ADAMTS17: variants seen among roughly 807,000 people sequenced by gnomAD.
ADAMTS17 encodes ADAM metallopeptidase with thrombospondin type 1 motif 17.
A neutral mutation model predicts 141.5 loss-of-function variants in ADAMTS17; 113 were observed. The ratio of observed to expected loss-of-function variants is 0.80; its 90% CI spans 0.69 to 0.93. The LOEUF is 0.93. Ranked by LOEUF, ADAMTS17 falls within the 40% of genes least tolerant of loss-of-function variation. The pLI is 0.00. For missense variants in ADAMTS17, 1,659 were observed against 1,517.9 expected, an observed-to-expected ratio of 1.09 and a Z score of -1.54; for synonymous variants, 768 against 630.6, an observed-to-expected ratio of 1.22 and a Z score of -3.27.
intron 12 of ADAMTS17, among the ~76,000 whole-genome samples, chr15:100,125,368 T>C (rs942769865): frequency 6.6e-6 from 1 of 152,214 alleles, no homozygotes; most frequent in Non-Finnish European, 1.5e-5. Flanking sequence ...AGCACATAGA[T>C]GGGGTTTCAC....
chr15:100,238,306 C>T (rs1047424588), intron 7 of ADAMTS17, among the ~76,000 whole-genome samples: 13 of 152,190 alleles, frequency 8.5e-5, no homozygotes, highest in African/African-American at 2.9e-4. Context: ...CCTTTATCGC[C>T]AGCCTCCATC....
chr15:99,991,360 G>C (rs979434243), intron 20 of ADAMTS17, among the ~76,000 whole-genome samples: 8 of 152,180 alleles, frequency 5.3e-5, no homozygotes, highest in Admixed American at 2.0e-4. Context: ...AGTGGGTGAA[G>C]GATATGAACA....
chr15:100,057,536 G>A (rs1188111144), intron 15 of ADAMTS17, among the ~76,000 whole-genome samples: 2 of 152,154 alleles, frequency 1.3e-5, no homozygotes, highest in African/African-American at 4.8e-5. Flanking sequence ...TGGGGCCCCA[G>A]GCTCGTCCCT....
At chr15:100,072,183 G>A (rs1485719013) in intron 15 of ADAMTS17, among the ~76,000 whole-genome samples, 1 of 148,866 alleles carries the variant, frequency 6.7e-6, no homozygotes, top group Non-Finnish European at 1.5e-5. Flanking sequence ...AAAATACCTA[G>A]GAATCCAACT....
chr15:100,063,882 G>A, intron 15 of ADAMTS17: 1 of 587,440 alleles, frequency 1.7e-6, no homozygotes, highest in Non-Finnish European at 2.8e-6. Flanking sequence ...TGGAGGGCTG[G>A]CGCAGAAGAA....
intron 3 of ADAMTS17, among the ~76,000 whole-genome samples, chr15:100,288,633 C>A (rs1364554701): frequency 2.0e-5 from 3 of 152,168 alleles, no homozygotes; most frequent in African/African-American, 7.2e-5. Flanking sequence ...CAATTCTCAG[C>A]ACATTCACAA....
intron 7 of ADAMTS17, among the ~76,000 whole-genome samples, chr15:100,204,240 G>A (rs2041448249): frequency 6.6e-6 from 1 of 152,206 alleles, no homozygotes; most frequent in Non-Finnish European, 1.5e-5. Context: ...GCAGTAAGTT[G>A]TTGCATATAA....
chr15:100,093,817 C>A (rs550856992), intron 15 of ADAMTS17, among the ~76,000 whole-genome samples: 1 of 152,196 alleles, frequency 6.6e-6, no homozygotes, highest in South Asian at 2.1e-4. Context: ...GGGGTGGGGA[C>A]AATAACTTAT....
chr15:100,236,771 G>A (rs972627350), intron 7 of ADAMTS17, among the ~76,000 whole-genome samples: 12 of 152,196 alleles, frequency 7.9e-5, no homozygotes, highest in East Asian at 3.9e-4. Context: ...CCAGGAGGTC[G>A]AGGCTGCAGT....
At chr15:100,076,349 T>A (rs1261982983) in intron 15 of ADAMTS17, among the ~76,000 whole-genome samples, 1 of 152,116 alleles carries the variant, frequency 6.6e-6, no homozygotes, top group Non-Finnish European at 1.5e-5. Context: ...GGCCTATGAG[T>A]TCCTATTTTA....
At chr15:100,310,784 G>A (rs1272332434) in intron 3 of ADAMTS17, among the ~76,000 whole-genome samples, 2 of 152,162 alleles carry the variant, frequency 1.3e-5, no homozygotes, top group Non-Finnish European at 2.9e-5. Context: ...CCACGGCAGG[G>A]GGTTTGATCT....
At chr15:100,175,077 C>A (rs914046203) in intron 8 of ADAMTS17, among the ~76,000 whole-genome samples, 5 of 152,204 alleles carry the variant, frequency 3.3e-5, no homozygotes, top group African/African-American at 7.2e-5. Flanking sequence ...TCACCCTCCC[C>A]TCGCAGCCTA....
chr15:99,979,934 T>C (rs1431270856), intron 20 of ADAMTS17: 1 of 152,250 alleles, frequency 6.6e-6, no homozygotes, highest in Non-Finnish European at 1.5e-5. Context: ...AAATGTGTTA[T>C]GTAATTCAAA....
At chr15:100,028,341 C>T (rs1266076926) in intron 18 of ADAMTS17, among the ~76,000 whole-genome samples, 6 of 152,186 alleles carry the variant, frequency 3.9e-5, no homozygotes, top group African/African-American at 7.2e-5. Context: ...ATTCTTCGGA[C>T]CCGGCCATTT....
chr15:100,341,791 G>T (rs761977587), intron 1 of ADAMTS17, 30 bp downstream of exon 1: 7 of 1,546,102 alleles, frequency 4.5e-6, no homozygotes, highest in Non-Finnish European at 5.2e-6. Context: ...CAGGACGCGG[G>T]GTGAAGAGGG....
chr15:100,226,618 G>A (rs2141826452), intron 7 of ADAMTS17, among the ~76,000 whole-genome samples: 1 of 152,294 alleles, frequency 6.6e-6, no homozygotes, highest in Non-Finnish European at 1.5e-5. Context: ...TGCAGATCTG[G>A]GCTTGATATG....
Position 100,310,662 on chromosome 15 carries a change from C to T in ADAMTS17, c.616+20227G>A, listed in dbSNP as rs538941756. Among the ~76,000 whole-genome samples the T allele has an allele frequency of 1.5e-3, 236 of 152,310 alleles. 2 individuals carry two copies. The highest frequency in any genetic ancestry group is 5.6e-3 in the African/African-American group (231 of 41,570). ...TGGTCCCAGGTTGCATCCACACCAC[C>T]ACCAAAGCCGACCACCAGTGACGCC... is the stretch of plus-strand genomic sequence containing the variant. On this transcript the variant is annotated intron_variant, in intron 3 of 21. Transcript: ENST00000268070.
chr15:100,158,548 A>C (rs992825858), intron 8 of ADAMTS17, among the ~76,000 whole-genome samples: 1 of 152,090 alleles, frequency 6.6e-6, no homozygotes, highest in Non-Finnish European at 1.5e-5. Flanking sequence ...AGCTCTCCTG[A>C]GCTCCACTGA....
At chr15:100,109,992 G>A (rs1409584819) in intron 13 of ADAMTS17, among the ~76,000 whole-genome samples, 1 of 151,848 alleles carries the variant, frequency 6.6e-6, no homozygotes, top group Admixed American at 6.6e-5. Flanking sequence ...TCCCATATCT[G>A]AAGGGATTTA....
Sources: allele counts gnomAD v4.1 joint callset (sites outside exome capture counted in the v4.1 genomes callset), GRCh38; gene constraint gnomAD v4.1.1; transcripts MANE v1.5; gene names NCBI Gene and HGNC (gene_info 2026-07-23, HGNC 2026-07-21).